Variants in GLIS3 observed in about 807,000 individuals in gnomAD.
The protein encoded by GLIS3 is zinc finger protein GLIS3.
In GLIS3, 53 loss-of-function variants were observed where a neutral mutation model predicts 78.6. The ratio of observed to expected loss-of-function variants is 0.67; its 90% CI spans 0.54 to 0.85. The LOEUF (loss-of-function observed/expected upper bound fraction) is 0.85, where lower values mean the gene tolerates loss of function less well. GLIS3 is among the 40% of genes least tolerant of loss of function. GLIS3 has a pLI of 0.00. For synonymous variants in GLIS3, 684 were observed against 509.9 expected (o/e 1.34, Z -4.60); for missense variants, 1,703 against 1,231.1 (o/e 1.38, Z -5.74).
At chr9:3,882,556 G>C (rs1821804099) in intron 7 of GLIS3, among the ~76,000 whole-genome samples, 1 of 152,172 alleles carries the variant, frequency 6.6e-6, no homozygotes, top group South Asian at 2.1e-4. Context: ...CGAGGTGTCA[G>C]GTATAGGGCT....
the GLIS3 span, among the ~76,000 whole-genome samples, chr9:4,487,125 G>T: frequency 6.6e-6 from 1 of 151,902 alleles, no homozygotes; most frequent in African/African-American, 2.4e-5. Context: ...TCAGCCTCTC[G>T]AGTAGCTGGG....
At chr9:3,962,956 G>C (rs1315669287) in intron 4 of GLIS3, among the ~76,000 whole-genome samples, 1 of 150,852 alleles carries the variant, frequency 6.6e-6, no homozygotes, top group Non-Finnish European at 1.5e-5. Context: ...AGGGGGGGGG[G>C]GGGAGAGAGA....
chr9:4,250,036 G>A (rs1824203753), intron 2 of GLIS3, among the ~76,000 whole-genome samples: 1 of 152,170 alleles, frequency 6.6e-6, no homozygotes, highest in Non-Finnish European at 1.5e-5. Flanking sequence ...TTTTATTGAG[G>A]ATCTTTGCAT....
the GLIS3 span, among the ~76,000 whole-genome samples, chr9:4,373,691 G>A: frequency 2.8e-5 from 4 of 145,130 alleles, no homozygotes; most frequent in Admixed American, 6.9e-5. Context: ...TTTTTGAGAC[G>A]GAGTCTTGCT....
Position 4,324,432 on chromosome 9 carries a change from C to T in GLIS3, n.265-13904G>A, listed in dbSNP as rs144580210. On this transcript the variant is annotated intron_variant and non_coding_transcript_variant, in intron 2 of 4. Coordinates refer to the GLIS3 transcript ENST00000471664. ...TTAATAATAACATCTGCCCTAGACA[C>T]CTCACGGGATTGTTTTGAGAACCAT... is the stretch of plus-strand genomic sequence containing the variant. Among the ~76,000 whole-genome samples the T allele has an allele frequency of 2.8e-3, 421 of 151,958 alleles. 3 individuals are homozygous for T. Among genetic ancestry groups the T allele is most frequent in the African/African-American group, 9.9e-3 (409 of 41,226 alleles).
At chr9:4,162,589 G>A (rs927511272) in intron 2 of GLIS3, among the ~76,000 whole-genome samples, 3 of 152,180 alleles carry the variant, frequency 2.0e-5, no homozygotes, top group Admixed American at 1.3e-4. Context: ...GCCGGGTGCG[G>A]TGGCTCACGC....
chr9:3,973,263 C>A (rs1403665441), intron 4 of GLIS3, among the ~76,000 whole-genome samples: 1 of 152,102 alleles, frequency 6.6e-6, no homozygotes, highest in Non-Finnish European at 1.5e-5. Context: ...GTCACCTGAG[C>A]TTTGGTGTCT....
At chr9:4,022,650 AAT>A (rs1348439601) in intron 4 of GLIS3, among the ~76,000 whole-genome samples, 1 of 152,146 alleles carries the variant, frequency 6.6e-6, no homozygotes, top group Non-Finnish European at 1.5e-5. Flanking sequence ...TCTTATTCAC[AAT>A]AGTCAAAAAC....
chr9:4,186,330 A>G (rs1817791811), intron 2 of GLIS3, among the ~76,000 whole-genome samples: 1 of 151,978 alleles, frequency 6.6e-6, no homozygotes. Flanking sequence ...ACATGAACTC[A>G]TCCTTTTTTA....
At chr9:3,922,686 T>C (rs1310292705) in intron 6 of GLIS3, among the ~76,000 whole-genome samples, 2 of 152,046 alleles carry the variant, frequency 1.3e-5, no homozygotes, top group East Asian at 3.9e-4. Flanking sequence ...AGGTTCTAAG[T>C]GTTCACAAAC....
At chr9:3,930,260 A>G (rs1166233170) in intron 6 of GLIS3, among the ~76,000 whole-genome samples, 1 of 152,242 alleles carries the variant, frequency 6.6e-6, no homozygotes, top group East Asian at 1.9e-4. Context: ...ATCCAATTCA[A>G]CCACTTGCAG....
intron 4 of GLIS3, among the ~76,000 whole-genome samples, chr9:3,988,144 G>C (rs954366276): frequency 6.6e-6 from 1 of 152,038 alleles, no homozygotes; most frequent in African/African-American, 2.4e-5. Flanking sequence ...GGTGAAAGGA[G>C]AGACTTGTCA....
chr9:4,268,139 A>C (rs1336286659), intron 2 of GLIS3, among the ~76,000 whole-genome samples: 1 of 152,168 alleles, frequency 6.6e-6, no homozygotes, highest in African/African-American at 2.4e-5. Flanking sequence ...GCTGGTTCAA[A>C]TCCTGACTCT....
intron 4 of GLIS3, among the ~76,000 whole-genome samples, chr9:3,944,607 T>C (rs1816165215): frequency 1.3e-5 from 2 of 152,210 alleles, no homozygotes; most frequent in Non-Finnish European, 2.9e-5. Context: ...ACTGATTTCA[T>C]GCAATCTGTG....
intron 4 of GLIS3, among the ~76,000 whole-genome samples, chr9:3,997,539 G>T (rs902620091): frequency 6.6e-6 from 1 of 151,828 alleles, no homozygotes; most frequent in Non-Finnish European, 1.5e-5. Flanking sequence ...AAAAATATGG[G>T]CAAATTAACT....
intron 2 of GLIS3, among the ~76,000 whole-genome samples, chr9:4,336,896 T>G (rs1200680023): frequency 6.6e-6 from 1 of 152,154 alleles, no homozygotes; most frequent in East Asian, 1.9e-4. Context: ...ACTCATATAT[T>G]CTGATAAGGA....
chr9:4,230,224 T>C (rs1021697753), intron 2 of GLIS3, among the ~76,000 whole-genome samples: 25 of 152,230 alleles, frequency 1.6e-4, no homozygotes, highest in African/African-American at 6.0e-4. Flanking sequence ...TCATCAGCCT[T>C]AAAGGCCCGA....
chr9:4,242,860 C>T (rs1823446919), intron 2 of GLIS3, among the ~76,000 whole-genome samples: 1 of 151,890 alleles, frequency 6.6e-6, no homozygotes, highest in Non-Finnish European at 1.5e-5. Flanking sequence ...TTAATATTAA[C>T]TTGTTTCATT....
intron 2 of GLIS3, among the ~76,000 whole-genome samples, chr9:4,134,441 A>G (rs1426207664): frequency 1.3e-5 from 2 of 152,186 alleles, no homozygotes; most frequent in Non-Finnish European, 2.9e-5. Context: ...GCTGGCCTCC[A>G]TACCCAGCTT....
Sources: allele counts gnomAD v4.1 joint callset (sites outside exome capture counted in the v4.1 genomes callset), GRCh38; gene constraint gnomAD v4.1.1; transcripts MANE v1.5; gene names NCBI Gene and HGNC (gene_info 2026-07-23, HGNC 2026-07-21).